DNASE1: variants seen among roughly 807,000 people sequenced by gnomAD.
DNASE1 encodes deoxyribonuclease-1.
A neutral mutation model predicts 33.9 loss-of-function variants in DNASE1; 40 were observed. That is an observed-to-expected ratio of 1.18 (90% CI 0.92 to 1.54). The LOEUF (loss-of-function observed/expected upper bound fraction) is 1.54, where lower values mean the gene tolerates loss of function less well. Ranked by LOEUF, DNASE1 falls within the 40% of genes most tolerant of loss-of-function variation. The probability of loss-of-function intolerance (pLI) is 0.00; values close to 1 mark genes in which losing one functional copy is unlikely to be tolerated. For synonymous variants in DNASE1, 216 were observed against 160.0 expected, an observed-to-expected ratio of 1.35 and a Z score of -2.64; for missense variants, 518 against 372.6, an observed-to-expected ratio of 1.39 and a Z score of -3.21.
At chr16:3,658,735 C>A, downstream of DNASE1, 1 of 1,530,962 alleles carries the variant, frequency 6.5e-7, no homozygotes, top group Non-Finnish European at 9.0e-7. Context: ...ACCCTGAAGG[C>A]AGGCTGGCAG....
At chr16:3,617,735 C>T (rs974591196) in intron 1 of DNASE1, among the ~76,000 whole-genome samples, 1 of 152,034 alleles carries the variant, frequency 6.6e-6, no homozygotes, top group African/African-American at 2.4e-5. Context: ...TGCTTGGGCC[C>T]AGGAGTTTGA....
rs111526168 is a variant in DNASE1 at position 3,656,633 on chromosome 16, C to G, written c.321-5C>G. The G allele has an allele frequency of 6.2e-6, 10 of 1,606,414 alleles. No individual in the cohort carries two copies. Among genetic ancestry groups the G allele is most frequent in the Non-Finnish European group, 7.7e-6 (9 of 1,176,402 alleles). ...GTCACCTCCTCCTGCCCGGCCTTCC[C>G]GCAGGCCTGACCAGGTGTCTGCGGT... On this transcript the variant is annotated splice_region_variant and splice_polypyrimidine_tract_variant and intron_variant, in intron 4 of 8. Transcript: ENST00000246949.
chr16:3,638,667 T>C (rs1037853766), upstream of DNASE1, among the ~76,000 whole-genome samples: 28 of 152,206 alleles, frequency 1.8e-4, no homozygotes, highest in Admixed American at 4.6e-4. Context: ...CTTTCTTGGA[T>C]GTGTGAATTG....
At chr16:3,662,613 T>C (rs1208597662), downstream of DNASE1, 2 of 649,894 alleles carry the variant, frequency 3.1e-6, no homozygotes, top group Non-Finnish European at 5.7e-6. Context: ...TCCTCAGCCA[T>C]TGCAGCTCCC....
At chr16:3,638,374 A>G (rs1596600293), upstream of DNASE1, among the ~76,000 whole-genome samples, 1 of 151,998 alleles carries the variant, frequency 6.6e-6, no homozygotes, top group South Asian at 2.1e-4. Flanking sequence ...GTCTCGCTCC[A>G]TTGCCCAGGC....
intron 1 of DNASE1, among the ~76,000 whole-genome samples, chr16:3,631,632 G>A (rs1043408588): frequency 4.6e-5 from 7 of 151,736 alleles, no homozygotes; most frequent in Non-Finnish European, 1.0e-4. Context: ...TCAAGGGATC[G>A]TCCTGCCTCA....
At chr16:3,623,988 G>C (rs1056208879) in intron 1 of DNASE1, among the ~76,000 whole-genome samples, 2 of 151,990 alleles carry the variant, frequency 1.3e-5, no homozygotes, top group South Asian at 2.1e-4. Context: ...CCTCTATATA[G>C]AAAACAGTAT....
In DNASE1 at chr16:3,657,057, G is replaced by C. The variant is rs1187972888; in HGVS notation, c.495G>C (p.Glu165Asp). 1 of 1,613,922 alleles carries C rather than the reference G, an allele frequency of 6.2e-7. No individual in the cohort carries two copies. Among genetic ancestry groups the C allele is most frequent in the Non-Finnish European group, 8.5e-7 (1 of 1,180,016 alleles). ...CGGCCCCGGGGGACGCAGTAGCCGA[G>C]ATCGACGCTCTCTATGACGTCTACC... is the stretch of plus-strand genomic sequence containing the variant. ...LHAAPGDAVA[E>D]IDALYDVYLD... Residue 165 changes from glutamate to aspartate, a missense_variant, in exon 6 of 9, where the codon GAG (glutamate) becomes GAC (aspartate). Physicochemically the swap from Glu to Asp is conservative, Grantham distance 45. Coordinates refer to ENST00000246949, the MANE Select transcript of DNASE1 (RefSeq NM_005223.4).
chr16:3,625,724 A>G (rs941114671), intron 1 of DNASE1, among the ~76,000 whole-genome samples: 18 of 152,232 alleles, frequency 1.2e-4, no homozygotes, highest in African/African-American at 4.3e-4. Flanking sequence ...AAAATTCTTA[A>G]ACAGGGACAC....
intron 8 of DNASE1, 33 bp from the exon 9 acceptor site, chr16:3,657,873 C>T (rs1202564181): frequency 1.2e-6 from 2 of 1,613,916 alleles, no homozygotes; most frequent in Non-Finnish European, 8.5e-7. Flanking sequence ...CTCAGGTAGG[C>T]TCAGCCCAGA....
At chr16:3,642,840 T>A (rs2151193735), upstream of DNASE1, 1 of 152,440 alleles carries the variant, frequency 6.6e-6, no homozygotes, top group South Asian at 2.1e-4. Context: ...CCAGCCTGGC[T>A]GGTTATCAGT....
chr16:3,634,300 C>G (rs1034358517), intron 1 of DNASE1, among the ~76,000 whole-genome samples: 1 of 151,756 alleles, frequency 6.6e-6, no homozygotes, highest in African/African-American at 2.4e-5. Context: ...GCAATCTGGG[C>G]TCACTGGAAG....
downstream of DNASE1, chr16:3,662,741 C>A: frequency 2.6e-6 from 2 of 784,002 alleles, no homozygotes; most frequent in Non-Finnish European, 4.4e-6. Context: ...GAGCAGGGAC[C>A]CACAGGGTCT....
intron 1 of DNASE1, among the ~76,000 whole-genome samples, chr16:3,624,586 T>C (rs1422388067): frequency 6.6e-6 from 1 of 152,218 alleles, no homozygotes; most frequent in African/African-American, 2.4e-5. Flanking sequence ...GGGTGGACTG[T>C]GCTCAGCATC....
chr16:3,658,234 A>G (rs1567215242), downstream of DNASE1: 3 of 1,612,750 alleles, frequency 1.9e-6, no homozygotes, highest in Non-Finnish European at 2.5e-6. Flanking sequence ...CGTATATCTG[A>G]AAGGCAAGAG....
rs373124509 is a variant in DNASE1 at position 3,657,964 on chromosome 16, C to A, written c.*11C>A. 6.2e-6 allele frequency: 10 copies of A among 1,613,882 alleles called. No individual in the cohort carries two copies. In the South Asian group the frequency reaches 8.8e-5, roughly 14 times the overall value. On this transcript the variant is annotated 3_prime_UTR_variant, in exon 9 of 9. Coordinates refer to ENST00000246949, the MANE Select transcript of DNASE1 (RefSeq NM_005223.4). ...GTGATGCTGAAGTGAGCAGCCCCTC[C>A]CCACACCAGTTGAACTGCAGGAAGA... is the stretch of plus-strand genomic sequence containing the variant.
intron 1 of DNASE1, among the ~76,000 whole-genome samples, chr16:3,618,220 C>T (rs1325833026): frequency 2.0e-5 from 3 of 149,782 alleles, no homozygotes; most frequent in African/African-American, 4.9e-5. Flanking sequence ...AGTGAGATAC[C>T]ACTTCATGGC....
intron 1 of DNASE1, among the ~76,000 whole-genome samples, chr16:3,614,987 A>G (rs1231093417): frequency 2.0e-5 from 3 of 152,180 alleles, no homozygotes; most frequent in Admixed American, 1.3e-4. Flanking sequence ...ATTTATTTAC[A>G]TAAAATAAAT....
rs1282819180 is a variant in DNASE1 at position 3,622,027 on chromosome 16, C to T, written c.-1359+10021C>T. ...CTTGAGGTCAGGAGTTTAAGAACAG[C>T]GTGGCCAACATGTTGAAACCCCGTC... On this transcript the variant is annotated intron_variant and NMD_transcript_variant, in intron 1 of 11. Transcript: ENST00000570769. 4.6e-5 allele frequency among the ~76,000 whole-genome samples: 7 copies of T among 152,066 alleles called. No homozygotes were observed. The South Asian group carries it at 6.2e-4, about 14-fold the overall frequency.
Sources: allele counts gnomAD v4.1 joint callset (sites outside exome capture counted in the v4.1 genomes callset), GRCh38; gene constraint gnomAD v4.1.1; transcripts MANE v1.5; gene names NCBI Gene and HGNC (gene_info 2026-07-23, HGNC 2026-07-21).